GRIP1: variants seen among roughly 807,000 people sequenced by gnomAD.
GRIP1 encodes the protein glutamate receptor-interacting protein 1.
A neutral mutation model predicts 129.9 loss-of-function variants in GRIP1; 45 were observed. That is an observed-to-expected ratio of 0.35 (90% CI 0.27 to 0.44). The LOEUF (loss-of-function observed/expected upper bound fraction) is 0.44, where lower values mean the gene tolerates loss of function less well. Among genes scored for constraint, GRIP1 ranks in the 20% least tolerant of loss-of-function variants. The pLI is 1.00. For missense variants in GRIP1, 1,196 were observed against 1,396.8 expected (o/e 0.86, Z 2.29); for synonymous variants, 530 against 520.8 (o/e 1.02, Z -0.24).
Position 66,988,887 on chromosome 12 carries a change from G to A in GRIP1, c.58+80163C>T, listed in dbSNP as rs118054736. Among the ~76,000 whole-genome samples the A allele has an allele frequency of 4.5e-3, 688 of 152,238 alleles. 4 individuals carry two copies. The highest frequency in any genetic ancestry group is 0.011 in the Admixed American group (162 of 15,278). On this transcript the variant is annotated intron_variant, in intron 1 of 1. Coordinates refer to the GRIP1 transcript ENST00000643019. ...ATGGAAGATGTTTAGTTTTGAGATC[G>A]GCTAACATGCAAAACTCTTTGAACC...
At chr12:66,521,566 C>A (rs1350701421) in intron 5 of GRIP1, among the ~76,000 whole-genome samples, 1 of 152,194 alleles carries the variant, frequency 6.6e-6, no homozygotes, top group Non-Finnish European at 1.5e-5. Flanking sequence ...CTACAGCTCC[C>A]AGCGTGAGTG....
chr12:66,953,856 G>A (rs757440758), intron 1 of GRIP1, among the ~76,000 whole-genome samples: 24 of 151,882 alleles, frequency 1.6e-4, no homozygotes, highest in African/African-American at 9.7e-5. Context: ...ACACACAATC[G>A]ATAACCTAAA....
intron 1 of GRIP1, among the ~76,000 whole-genome samples, chr12:66,833,049 T>C (rs1027098257): frequency 6.6e-6 from 1 of 152,214 alleles, no homozygotes; most frequent in African/African-American, 2.4e-5. Context: ...TAGGGCAGAA[T>C]CTAATCCTAG....
chr12:66,899,053 T>C (rs2040800026), intron 1 of GRIP1, among the ~76,000 whole-genome samples: 1 of 152,206 alleles, frequency 6.6e-6, no homozygotes, highest in African/African-American at 2.4e-5. Flanking sequence ...TCTGGTGTTG[T>C]ATCCCTAGCG....
intron 1 of GRIP1, among the ~76,000 whole-genome samples, chr12:66,940,053 T>C (rs1469156182): frequency 2.0e-5 from 3 of 152,246 alleles, no homozygotes; most frequent in South Asian, 2.1e-4. Flanking sequence ...ATCTTATTAG[T>C]AGAAAAAAAT....
At chr12:66,718,760 G>A (rs748195812) in intron 1 of GRIP1, among the ~76,000 whole-genome samples, 24 of 152,180 alleles carry the variant, frequency 1.6e-4, no homozygotes, top group Non-Finnish European at 2.9e-4. Flanking sequence ...GCTGAGGCAG[G>A]AGAATCGCTT....
intron 1 of GRIP1, among the ~76,000 whole-genome samples, chr12:67,061,753 A>C (rs1194473363): frequency 6.6e-6 from 1 of 152,210 alleles, no homozygotes; most frequent in Non-Finnish European, 1.5e-5. Context: ...GCTATTGTAC[A>C]ATAAGCTATC....
chr12:66,665,606 T>C (rs770444979), intron 1 of GRIP1, among the ~76,000 whole-genome samples: 2 of 152,208 alleles, frequency 1.3e-5, no homozygotes, highest in Admixed American at 6.5e-5. Flanking sequence ...GAATCATGCA[T>C]TTTATTGCAT....
chr12:66,569,006 C>T (rs1450683529), intron 2 of GRIP1: 30 of 471,894 alleles, frequency 6.4e-5, no homozygotes, highest in Non-Finnish European at 1.0e-4. Flanking sequence ...ATTCTATCTG[C>T]GTGCTTCTCA....
At chr12:66,574,186 G>A (rs1357920583) in intron 2 of GRIP1, among the ~76,000 whole-genome samples, 1 of 152,210 alleles carries the variant, frequency 6.6e-6, no homozygotes, top group Non-Finnish European at 1.5e-5. Flanking sequence ...CTGGGTCAGG[G>A]ATGCCCCCCA....
chr12:67,049,729 TA>T (rs749293794), intron 1 of GRIP1, among the ~76,000 whole-genome samples: 3,030 of 124,336 alleles, frequency 0.024, 44 homozygotes, highest in African/African-American at 0.054. Flanking sequence ...AAAGTACAAT[TA>T]AAAAAAAAAA....
Position 66,966,067 on chromosome 12 carries a change from G to A in GRIP1, c.58+102983C>T, listed in dbSNP as rs113186296. On this transcript the variant is annotated intron_variant, in intron 1 of 1. Transcript: ENST00000643019. ...TAAAAAGACAATGAATAACATGGGT[G>A]CTGAAGAATATATGGACTATATAAG... Among the ~76,000 whole-genome samples, 750 of 152,242 alleles carry A rather than the reference G, an allele frequency of 4.9e-3. 7 individuals are homozygous for A. Among genetic ancestry groups the A allele is most frequent in the African/African-American group, 0.017 (696 of 41,552 alleles).
intron 13 of GRIP1, among the ~76,000 whole-genome samples, chr12:66,433,321 G>A (rs1306187640): frequency 6.6e-6 from 1 of 152,110 alleles, no homozygotes; most frequent in East Asian, 1.9e-4. Flanking sequence ...AATCAAACTA[G>A]ATGCTGACCA....
intron 2 of GRIP1, among the ~76,000 whole-genome samples, chr12:66,572,229 G>A (rs549836226): frequency 2.0e-4 from 30 of 152,258 alleles, no homozygotes; most frequent in African/African-American, 6.3e-4. Flanking sequence ...TCTAGAAAGA[G>A]CCTAGCAGTC....
intron 15 of GRIP1, among the ~76,000 whole-genome samples, chr12:66,412,423 T>C (rs532808402): frequency 4.6e-5 from 7 of 152,220 alleles, no homozygotes; most frequent in African/African-American, 1.7e-4. Flanking sequence ...TTTTCGGACA[T>C]ATAAATGCTG....
intron 1 of GRIP1, among the ~76,000 whole-genome samples, chr12:67,015,974 A>C (rs1340431660): frequency 6.6e-6 from 1 of 152,166 alleles, no homozygotes; most frequent in Non-Finnish European, 1.5e-5. Flanking sequence ...GCTTCTGCAG[A>C]CCTCTCAGGT....
intron 13 of GRIP1, among the ~76,000 whole-genome samples, chr12:66,441,896 C>T (rs184098774): frequency 1.3e-5 from 2 of 152,182 alleles, no homozygotes; most frequent in East Asian, 3.9e-4. Context: ...CATGCTCTTC[C>T]TTCTCCCTCA....
chr12:66,836,883 G>A (rs1439956190), intron 1 of GRIP1, among the ~76,000 whole-genome samples: 1 of 152,118 alleles, frequency 6.6e-6, no homozygotes, highest in Admixed American at 6.5e-5. Flanking sequence ...ACAGAAAGCT[G>A]GACTATCAAA....
At chr12:66,371,134 GT>G (rs2055465290) in intron 23 of GRIP1, among the ~76,000 whole-genome samples, 1 of 149,800 alleles carries the variant, frequency 6.7e-6, no homozygotes, top group South Asian at 2.1e-4. Context: ...TCAAATTTTT[GT>G]AAGAAGATTA....
Sources: allele counts gnomAD v4.1 joint callset (sites outside exome capture counted in the v4.1 genomes callset), GRCh38; gene constraint gnomAD v4.1.1; transcripts MANE v1.5; gene names NCBI Gene and HGNC (gene_info 2026-07-23, HGNC 2026-07-21).